Variants in VPS37B observed in about 807,000 individuals in gnomAD.
VPS37B encodes the protein VPS37B subunit of ESCRT-I.
A neutral mutation model predicts 21.2 loss-of-function variants in VPS37B; 11 were observed. That is an observed-to-expected ratio of 0.52 (90% CI 0.33 to 0.86). The LOEUF (loss-of-function observed/expected upper bound fraction) is 0.86. VPS37B is among the 40% of genes least tolerant of loss of function. The pLI is 0.03. For synonymous variants in VPS37B, 175 were observed against 159.6 expected (o/e 1.10, Z -0.73); for missense variants, 389 against 374.8 (o/e 1.04, Z -0.31).
At chr12:122,893,185 T>C (rs367703394) in intron 1 of VPS37B, among the ~76,000 whole-genome samples, 3 of 152,330 alleles carry the variant, frequency 2.0e-5, no homozygotes, top group African/African-American at 7.2e-5. Context: ...TTGTCAGTCA[T>C]CTTTCAAAAA....
At chr12:122,893,472 C>CAGTGGAT (rs5801494) in intron 1 of VPS37B, among the ~76,000 whole-genome samples, 144,993 of 151,936 alleles carry the variant, frequency 0.95, 69,237 homozygotes, top group East Asian at 0.99. Context: ...ATTTGGTCAA[C>CAGTGGAT]AGTTCATAAA....
At chr12:122,876,786 G>C (rs1443762564) in intron 1 of VPS37B, 2 of 152,102 alleles carry the variant, frequency 1.3e-5, no homozygotes, top group African/African-American at 2.4e-5. Context: ...GGTTGGGGGA[G>C]TGTGGTAGAA....
intron 1 of VPS37B, chr12:122,871,767 C>T: frequency 2.1e-6 from 2 of 967,244 alleles, no homozygotes; most frequent in Non-Finnish European, 1.2e-6. Context: ...AAGCCACATG[C>T]CCAGAACTTA....
chr12:122,882,925 G>A (rs1029206743), intron 1 of VPS37B: 4 of 152,212 alleles, frequency 2.6e-5, no homozygotes, highest in African/African-American at 7.2e-5. Context: ...CAAATCTTCA[G>A]TTTTACTGAA....
intron 1 of VPS37B, 31 bp from the exon 2 acceptor site, chr12:122,871,092 A>T (rs2034023240): frequency 1.2e-6 from 2 of 1,610,484 alleles, no homozygotes; most frequent in African/African-American, 2.7e-5. Context: ...GATGAGAACC[A>T]AAAGTATATC....
intron 2 of VPS37B, among the ~76,000 whole-genome samples, chr12:122,869,843 A>T (rs573002892): frequency 6.6e-6 from 1 of 152,040 alleles, no homozygotes; most frequent in South Asian, 2.1e-4. Flanking sequence ...CCAAGGCTCA[A>T]GCAATCCTCC....
chr12:122,876,954 T>C (rs3852537), intron 1 of VPS37B: 121,145 of 152,040 alleles, frequency 0.8, 49,335 homozygotes, highest in Middle Eastern at 0.9. Context: ...CCATGGATGC[T>C]TTCCAGACCA....
intron 1 of VPS37B, among the ~76,000 whole-genome samples, chr12:122,891,652 T>C (rs928750742): frequency 1.3e-5 from 2 of 152,226 alleles, no homozygotes; most frequent in African/African-American, 4.8e-5. Flanking sequence ...ACTCCAGTAG[T>C]ATTATACTCA....
At chr12:122,893,254 T>C (rs893700086) in intron 1 of VPS37B, among the ~76,000 whole-genome samples, 1 of 152,342 alleles carries the variant, frequency 6.6e-6, no homozygotes, top group East Asian at 1.9e-4. Flanking sequence ...GCCCTACTGA[T>C]GGGCTGTGTT....
rs1429300539 is a variant in VPS37B at position 122,867,855 on chromosome 12, A to G, written c.367-248T>C. Among the ~76,000 whole-genome samples, 1 of 152,144 alleles carries G rather than the reference A, an allele frequency of 6.6e-6. No individual in the cohort carries two copies. The highest frequency in any genetic ancestry group is 2.4e-5 in the African/African-American group (1 of 41,430). On this transcript the variant is annotated intron_variant, in intron 3 of 3. Transcript: ENST00000267202. The surrounding 1 kb of genome is among the most constrained non-coding windows in gnomAD (Gnocchi z 5.5). Reference sequence around the variant, plus strand: ...CCACCACCAGCGTGACAGGCAGAGGAGCTGGCCTTTGGGTGAGGGCTCCGA... The same window carrying G: ...CCACCACCAGCGTGACAGGCAGAGGGGCTGGCCTTTGGGTGAGGGCTCCGA...
chr12:122,871,896 A>C, intron 1 of VPS37B: 1 of 985,266 alleles, frequency 1.0e-6, no homozygotes, highest in Non-Finnish European at 1.2e-6. Flanking sequence ...CTTTTCACTC[A>C]CTGGTGATCG....
At position 122,896,098 on chromosome 12, in the gene VPS37B, G is replaced by A. The variant is rs967493010; in HGVS notation, c.-36C>T. 4 of 1,526,018 alleles carry A rather than the reference G, an allele frequency of 2.6e-6. No individual in the cohort carries two copies. The highest frequency in any genetic ancestry group is 2.4e-5 in the South Asian group (2 of 83,276). The allele number at this position is 1,526,018 out of a possible 1,614,324, so 94.5% of individuals were successfully genotyped here. A position where few individuals can be genotyped will look rare whatever the true frequency, so the allele number is the denominator to read the frequency against. On this transcript the variant is annotated 5_prime_UTR_variant, in exon 1 of 4. Coordinates refer to ENST00000267202, the MANE Select transcript of VPS37B (RefSeq NM_024667.3). ...CGGCCGTCGTCGCCACCGCCGCTGCGGCCACCAGGCTCCGCCGACCGGAAG... is the reference window on the plus strand; with the variant it reads ...CGGCCGTCGTCGCCACCGCCGCTGCAGCCACCAGGCTCCGCCGACCGGAAG...
intron 1 of VPS37B, among the ~76,000 whole-genome samples, chr12:122,890,538 G>C (rs2034398307): frequency 6.6e-6 from 1 of 152,048 alleles, no homozygotes; most frequent in African/African-American, 2.4e-5. Context: ...ATATTGCCCA[G>C]ACTGGTCTCA....
At chr12:122,869,146 G>T (rs1381688584) in intron 2 of VPS37B, among the ~76,000 whole-genome samples, 1 of 152,250 alleles carries the variant, frequency 6.6e-6, no homozygotes, top group Non-Finnish European at 1.5e-5. Context: ...ATGCTGTGTA[G>T]TGTTCCATTG....
intron 1 of VPS37B, chr12:122,872,292 A>AG: frequency 1.0e-6 from 1 of 985,502 alleles, no homozygotes; most frequent in Non-Finnish European, 1.2e-6. Flanking sequence ...CTCAATCAGG[A>AG]GATCCCTAAC....
chr12:122,889,977 C>T (rs2034390009), intron 1 of VPS37B: 1 of 152,226 alleles, frequency 6.6e-6, no homozygotes, highest in Non-Finnish European at 1.5e-5. Context: ...CCTGAGCCCC[C>T]ATTTTTGTCC....
chr12:122,867,256 A>G lies in VPS37B; in HGVS notation c.718T>C (p.Cys240Arg). Residue 240 changes from cysteine to arginine, a missense_variant, in exon 4 of 4, where the codon TGC becomes CGC. By Grantham distance (180) the Cys-to-Arg change is radical. Transcript: ENST00000267202. This position sits in a 1 kb window ranked among gnomAD's most constrained non-coding sequence, Gnocchi z 5.5. ...GQAVPYPGLQ[C>R]PPLPPRVGLP... ...CCCACGCGGGGGGGCAGGGGCGGGCACTGTAATCCTGGGTACGGCACGGCC... is the reference window on the plus strand; with the variant it reads ...CCCACGCGGGGGGGCAGGGGCGGGCGCTGTAATCCTGGGTACGGCACGGCC... The G allele has an allele frequency of 2.6e-6, 4 of 1,550,828 alleles. No individual in the cohort carries two copies. Among genetic ancestry groups the G allele is most frequent in the Non-Finnish European group, 3.5e-6 (4 of 1,153,170 alleles).
chr12:122,892,533 C>A (rs2034429800), intron 1 of VPS37B, among the ~76,000 whole-genome samples: 2 of 151,862 alleles, frequency 1.3e-5, no homozygotes, highest in Admixed American at 1.3e-4. Context: ...TCCTTTGGTT[C>A]AGGTTAAGAA....
At chr12:122,883,620 C>CA (rs1385650363) in intron 1 of VPS37B, 1 of 152,290 alleles carries the variant, frequency 6.6e-6, no homozygotes. Context: ...GCTGAGACTA[C>CA]AGGTGTGCAC....
Sources: gnomAD v4.1 joint callset for allele counts (sites outside exome capture counted in the v4.1 genomes callset) on GRCh38, gnomAD v4.1.1 for gene constraint, Gnocchi (gnomAD v3.1) non-coding constraint, MANE v1.5 for transcripts, NCBI Gene and HGNC (gene_info 2026-07-23, HGNC 2026-07-21) for gene names.